The following LGSN variants were observed in gnomAD, a reference collection of about 807,000 sequenced individuals.
The protein encoded by LGSN is lengsin, lens protein with glutamine synthetase domain, also known as lengsin.
Under a neutral mutation model 19.5 loss-of-function variants are expected in LGSN, and 21 were observed. The ratio of observed to expected loss-of-function variants is 1.07; its 90% CI spans 0.76 to 1.55. The LOEUF (loss-of-function observed/expected upper bound fraction) is 1.55. Ranked by LOEUF, LGSN falls within the 40% of genes most tolerant of loss-of-function variation. The pLI, the probability that LGSN is intolerant of heterozygous loss-of-function variation, is 0.00. For synonymous variants in LGSN, 257 were observed against 215.6 expected, an observed-to-expected ratio of 1.19 and a Z score of -1.68; for missense variants, 673 against 608.5, an observed-to-expected ratio of 1.11 and a Z score of -1.12.
At chr6:63,285,042 G>A (rs545893429) in intron 3 of LGSN, among the ~76,000 whole-genome samples, 1 of 152,166 alleles carries the variant, frequency 6.6e-6, no homozygotes, top group Non-Finnish European at 1.5e-5. Context: ...AAAAATTAAG[G>A]AAGTCTCAAA....
chr6:63,294,265 G>C (rs1767889148), intron 2 of LGSN, among the ~76,000 whole-genome samples: 1 of 152,058 alleles, frequency 6.6e-6, no homozygotes, highest in Non-Finnish European at 1.5e-5. Context: ...AGCCCAGGAG[G>C]CAGAGATTGC....
chr6:63,309,309 G>C (rs893110822), intron 1 of LGSN, among the ~76,000 whole-genome samples: 1 of 152,126 alleles, frequency 6.6e-6, no homozygotes, highest in African/African-American at 2.4e-5. Flanking sequence ...GCGGGTGCCT[G>C]TAATCCCAGC....
intron 1 of LGSN, among the ~76,000 whole-genome samples, chr6:63,302,764 G>A (rs1051880153): frequency 2.6e-5 from 4 of 152,170 alleles, no homozygotes; most frequent in African/African-American, 9.7e-5. Context: ...TCATTGTCGA[G>A]TGTGGACTCA....
chr6:63,454,243 G>A, the LGSN span, among the ~76,000 whole-genome samples: 1 of 152,080 alleles, frequency 6.6e-6, no homozygotes, highest in Admixed American at 6.6e-5. Flanking sequence ...AAGGCTATTA[G>A]CATTTTGCAT....
At chr6:63,482,546 T>C in the LGSN span, among the ~76,000 whole-genome samples, 1 of 152,164 alleles carries the variant, frequency 6.6e-6, no homozygotes, top group Non-Finnish European at 1.5e-5. Context: ...CTGGGCAGCA[T>C]AGCAAGACTC....
the LGSN span, among the ~76,000 whole-genome samples, chr6:63,540,795 G>A: frequency 4.0e-5 from 6 of 151,032 alleles, no homozygotes; most frequent in East Asian, 3.9e-4. Context: ...ATAGGACCCC[G>A]TCTCTACTAG....
chr6:63,541,488 G>T, the LGSN span, among the ~76,000 whole-genome samples: 140 of 152,174 alleles, frequency 9.2e-4, 1 homozygote, highest in African/African-American at 3.2e-3. Flanking sequence ...CGGAGGCAGA[G>T]GTTGCAGTGA....
chr6:63,550,069 A>C, the LGSN span, among the ~76,000 whole-genome samples: 1 of 152,206 alleles, frequency 6.6e-6, no homozygotes, highest in African/African-American at 2.4e-5. Flanking sequence ...TGTACTCCAT[A>C]ATATGTGCAA....
At chr6:63,417,540 C>A in the LGSN span, among the ~76,000 whole-genome samples, 1 of 152,120 alleles carries the variant, frequency 6.6e-6, no homozygotes, top group Non-Finnish European at 1.5e-5. Context: ...GTTATTAATT[C>A]TTCTGCTTCT....
At position 63,281,653 on chromosome 6, in the gene LGSN, C is replaced by A. The variant is rs113213333; in HGVS notation, c.331-433G>T. On this transcript the variant is annotated intron_variant, in intron 3 of 3. Transcript: ENST00000370657. ...TTCTTTTTGCTTATTTTATTGTAAT[C>A]CTGAGTTAACTGACCCTCAAAAGTC... 6.1e-3 allele frequency among the ~76,000 whole-genome samples: 925 copies of A among 152,078 alleles called. 6 individuals are homozygous for A. The highest frequency in any genetic ancestry group is 0.02 in the African/African-American group (849 of 41,506).
chr6:63,310,869 G>A (rs1475927422), intron 1 of LGSN, among the ~76,000 whole-genome samples: 3 of 152,304 alleles, frequency 2.0e-5, no homozygotes, highest in East Asian at 1.9e-4. Context: ...GAGCATCATC[G>A]TGGTGAAGTA....
At chr6:63,471,707 A>G in the LGSN span, among the ~76,000 whole-genome samples, 1 of 151,788 alleles carries the variant, frequency 6.6e-6, no homozygotes, top group East Asian at 1.9e-4. Flanking sequence ...TGGAATGAAG[A>G]TTTACATTCA....
At chr6:63,447,160 A>G in the LGSN span, among the ~76,000 whole-genome samples, 1 of 152,282 alleles carries the variant, frequency 6.6e-6, no homozygotes, top group Non-Finnish European at 1.5e-5. Context: ...AAACTAATGC[A>G]GACTCTGCTG....
chr6:63,316,931 C>A (rs1768890599), intron 1 of LGSN, among the ~76,000 whole-genome samples: 1 of 151,952 alleles, frequency 6.6e-6, no homozygotes, highest in African/African-American at 2.4e-5. Context: ...GGGGAAGGTG[C>A]TCTACCCTTT....
At chr6:63,313,189 G>A (rs1237507314) in intron 1 of LGSN, among the ~76,000 whole-genome samples, 1 of 152,096 alleles carries the variant, frequency 6.6e-6, no homozygotes, top group Non-Finnish European at 1.5e-5. Flanking sequence ...TAGTTAATGA[G>A]TAAACATAAA....
upstream of LGSN, among the ~76,000 whole-genome samples, chr6:63,322,400 T>C (rs1769105572): frequency 6.6e-6 from 1 of 152,182 alleles, no homozygotes; most frequent in Admixed American, 6.5e-5. Context: ...ATAATCTTTC[T>C]TATGACCTTC....
chr6:63,486,762 G>A, the LGSN span, among the ~76,000 whole-genome samples: 1 of 135,180 alleles, frequency 7.4e-6, no homozygotes, highest in Non-Finnish European at 1.5e-5. Context: ...ATGGCTCACT[G>A]CAGCCTCAAC....
chr6:63,545,141 C>T, the LGSN span, among the ~76,000 whole-genome samples: 1 of 152,152 alleles, frequency 6.6e-6, no homozygotes, highest in Non-Finnish European at 1.5e-5. Flanking sequence ...CATTGATTCT[C>T]CTTTTATTCA....
At chr6:63,515,157 C>T in the LGSN span, among the ~76,000 whole-genome samples, 1 of 152,170 alleles carries the variant, frequency 6.6e-6, no homozygotes, top group Admixed American at 6.5e-5. Context: ...CAAGCATCAC[C>T]ATGCCTGGCT....
Sources: allele counts gnomAD v4.1 joint callset (sites outside exome capture counted in the v4.1 genomes callset), GRCh38; gene constraint gnomAD v4.1.1; transcripts MANE v1.5; gene names NCBI Gene and HGNC (gene_info 2026-07-23, HGNC 2026-07-21).